UNC5B: variants seen among roughly 807,000 people sequenced by gnomAD.
UNC5B encodes the protein unc-5 netrin receptor B.
A neutral mutation model predicts 103.7 loss-of-function variants in UNC5B; 56 were observed. The ratio of observed to expected loss-of-function variants is 0.54; its 90% CI spans 0.44 to 0.67. The LOEUF (loss-of-function observed/expected upper bound fraction) is 0.67. Ranked by LOEUF, UNC5B falls within the 30% of genes least tolerant of loss-of-function variation. The pLI, the probability that UNC5B is intolerant of heterozygous loss-of-function variation, is 0.00. For synonymous variants in UNC5B, 577 were observed against 542.0 expected (o/e 1.06, Z -0.90); for missense variants, 1,194 against 1,284.5 (o/e 0.93, Z 1.08).
At chr10:71,266,762 G>A (rs1371212579) in intron 1 of UNC5B, among the ~76,000 whole-genome samples, 1 of 152,114 alleles carries the variant, frequency 6.6e-6, no homozygotes, top group African/African-American at 2.4e-5. Flanking sequence ...CCCCTTACTC[G>A]AGGTCTCCCT....
At chr10:71,244,689 G>A (rs184898890) in intron 1 of UNC5B, among the ~76,000 whole-genome samples, 16 of 152,342 alleles carry the variant, frequency 1.1e-4, no homozygotes, top group Admixed American at 2.0e-4. Flanking sequence ...GAGGGAAGGC[G>A]GATCCTGAGA....
intron 1 of UNC5B, among the ~76,000 whole-genome samples, chr10:71,268,919 C>T (rs1457478517): frequency 6.6e-6 from 1 of 152,210 alleles, no homozygotes; most frequent in Non-Finnish European, 1.5e-5. Flanking sequence ...AGCCTCACTC[C>T]CCGTGCCAGC....
intron 1 of UNC5B, among the ~76,000 whole-genome samples, chr10:71,240,683 C>T (rs189033046): frequency 6.6e-6 from 1 of 152,250 alleles, no homozygotes; most frequent in Non-Finnish European, 1.5e-5. Context: ...CCCCCACTGT[C>T]GCTCCACTAC....
chr10:71,223,898 G>A (rs184897379), intron 1 of UNC5B, among the ~76,000 whole-genome samples: 78 of 152,350 alleles, frequency 5.1e-4, no homozygotes, highest in Admixed American at 2.4e-3. Context: ...GCCCTCTATA[G>A]CAACTGCTAC....
At chr10:71,288,923 T>C in intron 7 of UNC5B, 35 bp from the exon 8 acceptor site, 2 of 1,609,718 alleles carry the variant, frequency 1.2e-6, no homozygotes, top group Non-Finnish European at 1.7e-6. Flanking sequence ...CCCTGTCACC[T>C]ATGTCATTGT....
chr10:71,292,431 C>T (rs1845288619), intron 10 of UNC5B, 36 bp from the exon 11 acceptor site: 2 of 1,540,278 alleles, frequency 1.3e-6, no homozygotes, highest in Non-Finnish European at 1.8e-6. Context: ...TTCTCCTAAG[C>T]TCCTGGACTC....
At chr10:71,257,656 T>C (rs1844322095) in intron 1 of UNC5B, among the ~76,000 whole-genome samples, 1 of 152,214 alleles carries the variant, frequency 6.6e-6, no homozygotes, top group Non-Finnish European at 1.5e-5. Flanking sequence ...ACATGCCAGG[T>C]GCTCCTTGGA....
At chr10:71,235,490 G>T (rs1354145893) in intron 1 of UNC5B, among the ~76,000 whole-genome samples, 1 of 152,354 alleles carries the variant, frequency 6.6e-6, no homozygotes, top group African/African-American at 2.4e-5. Flanking sequence ...CAGAGGGTGG[G>T]GTTCCTTCCG....
At chr10:71,243,574 C>A (rs1014065044) in intron 1 of UNC5B, among the ~76,000 whole-genome samples, 20 of 152,180 alleles carry the variant, frequency 1.3e-4, no homozygotes, top group African/African-American at 4.8e-4. Context: ...AAGATGCCAT[C>A]CATCAAGTGC....
intron 2 of UNC5B, among the ~76,000 whole-genome samples, chr10:71,282,353 G>A (rs1256190541): frequency 6.6e-6 from 1 of 152,222 alleles, no homozygotes. Context: ...GCCATGCTTG[G>A]GAGGGCAGTC....
chr10:71,229,721 AGTT>A (rs964022893), intron 1 of UNC5B, among the ~76,000 whole-genome samples: 2 of 151,904 alleles, frequency 1.3e-5, no homozygotes, highest in African/African-American at 4.8e-5. Context: ...CCTTCTAGGG[AGTT>A]GTTGTGCTTC....
At chr10:71,278,423 G>A (rs183764512) in intron 1 of UNC5B, among the ~76,000 whole-genome samples, 10 of 152,148 alleles carry the variant, frequency 6.6e-5, no homozygotes, top group Non-Finnish European at 1.3e-4. Context: ...GGATGGAGCT[G>A]GAGTCATGTG....
intron 1 of UNC5B, among the ~76,000 whole-genome samples, chr10:71,214,303 C>T (rs1274646180): frequency 1.3e-5 from 2 of 152,034 alleles, no homozygotes. Flanking sequence ...GTGATTCCCA[C>T]GGCCAGGAGT....
chr10:71,216,359 G>A (rs1055238955), intron 1 of UNC5B, among the ~76,000 whole-genome samples: 27 of 152,328 alleles, frequency 1.8e-4, no homozygotes, highest in African/African-American at 6.5e-4. Flanking sequence ...GAAAGAGGTT[G>A]AGAGTTGGAA....
At chr10:71,275,083 G>A (rs1227986897) in intron 1 of UNC5B, among the ~76,000 whole-genome samples, 1 of 152,198 alleles carries the variant, frequency 6.6e-6, no homozygotes, top group Non-Finnish European at 1.5e-5. Context: ...CAAACCCAGG[G>A]CCTCTGCCTC....
At chr10:71,235,500 G>A (rs1387583733) in intron 1 of UNC5B, among the ~76,000 whole-genome samples, 4 of 152,228 alleles carry the variant, frequency 2.6e-5, no homozygotes, top group South Asian at 4.1e-4. Flanking sequence ...GGTTCCTTCC[G>A]TGGTCAGCGT....
Position 71,252,053 on chromosome 10 carries a change from A to G in UNC5B, c.80-27768A>G, listed in dbSNP as rs112824485. 3.3e-3 allele frequency among the ~76,000 whole-genome samples: 498 copies of G among 152,352 alleles called. 7 individuals carry two copies. Among genetic ancestry groups the G allele is most frequent in the African/African-American group, 0.011 (471 of 41,582 alleles). ...TGGGTTAAAAATAAGTGTCACATATATATATTACAATATTTTCCCAAATGC... is the reference window on the plus strand; with the variant it reads ...TGGGTTAAAAATAAGTGTCACATATGTATATTACAATATTTTCCCAAATGC... On this transcript the variant is annotated intron_variant, in intron 1 of 16. Transcript: ENST00000335350.
At chr10:71,237,256 A>T (rs1374111876) in intron 1 of UNC5B, among the ~76,000 whole-genome samples, 1 of 152,220 alleles carries the variant, frequency 6.6e-6, no homozygotes, top group Non-Finnish European at 1.5e-5. Flanking sequence ...TGGCAACAGC[A>T]TGGGTTCAAA....
intron 1 of UNC5B, among the ~76,000 whole-genome samples, chr10:71,260,770 G>A (rs574967392): frequency 1.3e-5 from 2 of 152,386 alleles, no homozygotes; most frequent in East Asian, 3.9e-4. Flanking sequence ...GAGGTAGCAA[G>A]GAGACTGAGT....
Sources: allele counts gnomAD v4.1 joint callset (sites outside exome capture counted in the v4.1 genomes callset), GRCh38; gene constraint gnomAD v4.1.1; transcripts MANE v1.5; gene names NCBI Gene and HGNC (gene_info 2026-07-23, HGNC 2026-07-21).